The following NUDT3 variants were observed in gnomAD, a reference collection of about 807,000 sequenced individuals.
NUDT3 encodes nudix hydrolase 3, also known as diphosphoinositol polyphosphate phosphohydrolase 1.
A neutral mutation model predicts 23.6 loss-of-function variants in NUDT3; 9 were observed. That is an observed-to-expected ratio of 0.38 (90% CI 0.23 to 0.66). The LOEUF (loss-of-function observed/expected upper bound fraction) is 0.66. NUDT3 is among the 30% of genes least tolerant of loss of function. The probability of loss-of-function intolerance (pLI) is 0.52; values close to 1 mark genes in which losing one functional copy is unlikely to be tolerated. For missense variants in NUDT3, 172 were observed against 218.5 expected (o/e 0.79, Z 1.34); for synonymous variants, 86 against 82.6 (o/e 1.04, Z -0.22).
intron 1 of NUDT3, among the ~76,000 whole-genome samples, chr6:34,376,873 C>T (rs1053220140): frequency 1.3e-5 from 2 of 152,030 alleles, no homozygotes; most frequent in Admixed American, 6.6e-5. Context: ...CAGCTGACAC[C>T]CCTTATCACT....
Position 34,283,022 on chromosome 6 carries a change from T to C in NUDT3, c.*5731A>G, listed in dbSNP as rs1027825361. ...TCCCCTCCCCAGGTGGACAGTCTTATTTTCTAAGACAAGCTCAAAGCTCAA... is the reference window on the plus strand; with the variant it reads ...TCCCCTCCCCAGGTGGACAGTCTTACTTTCTAAGACAAGCTCAAAGCTCAA... On this transcript the variant is annotated 3_prime_UTR_variant, in exon 5 of 5. Coordinates refer to ENST00000607016, the MANE Select transcript of NUDT3 (RefSeq NM_006703.4). The C allele has an allele frequency of 9.2e-5, 14 of 152,092 alleles. No homozygotes were observed. The highest frequency in any genetic ancestry group is 3.4e-4 in the African/African-American group (14 of 41,420). The allele number at this position is 152,092 out of a possible 1,614,324, so 9.4% of individuals were successfully genotyped here.
rs1288078723 is a variant in NUDT3, at chr6:34,279,934, A to C, written c.*8819T>G. ...TGTCCTCCATTGCTGGTACCACATAAGGGATACATTAGTAAAGTAGGGAAA... is the reference window on the plus strand; with the variant it reads ...TGTCCTCCATTGCTGGTACCACATACGGGATACATTAGTAAAGTAGGGAAA... On this transcript the variant is annotated 3_prime_UTR_variant, in exon 5 of 5. Transcript: ENST00000607016. 1 of 152,244 alleles carries C rather than the reference A, an allele frequency of 6.6e-6. No individual in the cohort carries two copies. The highest frequency in any genetic ancestry group is 1.5e-5 in the Non-Finnish European group (1 of 68,080). The allele number at this position is 152,244 out of a possible 1,614,324, so 9.4% of individuals were successfully genotyped here. A position where few individuals can be genotyped will look rare whatever the true frequency, so the allele number is the denominator to read the frequency against.
At chr6:34,330,473 C>G (rs1019492391) in intron 2 of NUDT3, among the ~76,000 whole-genome samples, 6 of 152,078 alleles carry the variant, frequency 3.9e-5, no homozygotes, top group Non-Finnish European at 8.8e-5. Flanking sequence ...AAATAAAGTT[C>G]ACTATGGCAT....
chr6:34,284,145 T>G lies in NUDT3; in HGVS notation c.*4608A>C, dbSNP rs1427815094. The G allele has an allele frequency of 6.6e-6, 1 of 152,204 alleles. No individual in the cohort carries two copies. Among genetic ancestry groups the G allele is most frequent in the African/African-American group, 2.4e-5 (1 of 41,456 alleles). 9.4% of individuals were successfully genotyped at this position (152,204 alleles called of 1,614,324 possible). A position where few individuals can be genotyped will look rare whatever the true frequency, so the allele number is the denominator to read the frequency against. ...AGCAGTATGAACTGCCCACCTCAAC[T>G]GGGCAGTCTGACCTCTTCCACAGTC... On this transcript the variant is annotated 3_prime_UTR_variant, in exon 5 of 5. Coordinates refer to ENST00000607016, the MANE Select transcript of NUDT3 (RefSeq NM_006703.4).
chr6:34,343,105 G>A (rs1445763028), intron 1 of NUDT3, among the ~76,000 whole-genome samples: 1 of 152,064 alleles, frequency 6.6e-6, no homozygotes, highest in Non-Finnish European at 1.5e-5. Flanking sequence ...CTAATATATA[G>A]GCCATGGACT....
chr6:34,316,762 C>T (rs891659909), intron 2 of NUDT3, among the ~76,000 whole-genome samples: 1 of 152,138 alleles, frequency 6.6e-6, no homozygotes, highest in African/African-American at 2.4e-5. Flanking sequence ...ACCAGTATTG[C>T]TGGAGCACAG....
At chr6:34,335,250 T>C (rs896545905) in intron 2 of NUDT3, among the ~76,000 whole-genome samples, 4 of 152,150 alleles carry the variant, frequency 2.6e-5, no homozygotes, top group Non-Finnish European at 5.9e-5. Flanking sequence ...CTTGTGATGT[T>C]ATGGAGTTTT....
Position 34,282,741 on chromosome 6 carries a change from ATGC to A in NUDT3, c.*6009_*6011del, listed in dbSNP as rs1763292533. On this transcript the variant is annotated 3_prime_UTR_variant, in exon 5 of 5. Coordinates refer to ENST00000607016, the MANE Select transcript of NUDT3 (RefSeq NM_006703.4). The stretch of plus-strand genomic sequence containing the variant: ...TGGTGATGAACCTGGCAAAACGACA[ATGC>A]TGCTGTTTTTGTATCCTTTAAAGCC... 6.6e-6 allele frequency: 1 copy of A among 152,144 alleles called. No individual in the cohort carries two copies. Among genetic ancestry groups the A allele is most frequent in the Admixed American group, 6.6e-5 (1 of 15,262 alleles). 9.4% of individuals were successfully genotyped at this position (152,144 alleles called of 1,614,324 possible). A position where few individuals can be genotyped will look rare whatever the true frequency, so the allele number is the denominator to read the frequency against.
intron 2 of NUDT3, among the ~76,000 whole-genome samples, chr6:34,302,601 G>C (rs539953611): frequency 6.6e-6 from 1 of 152,170 alleles, no homozygotes; most frequent in South Asian, 2.1e-4. Flanking sequence ...GCATGGTGGC[G>C]TGTGCCTGTA....
intron 2 of NUDT3, among the ~76,000 whole-genome samples, chr6:34,322,453 T>A (rs1763959158): frequency 6.6e-6 from 1 of 152,076 alleles, no homozygotes; most frequent in African/African-American, 2.4e-5. Flanking sequence ...ATGGTCTTGA[T>A]CTCCTGACCT....
At chr6:34,351,198 TAAAAAAAAAAAAAAAAAAAAA>T (rs71000051) in intron 1 of NUDT3, among the ~76,000 whole-genome samples, 4 of 17,894 alleles carry the variant, frequency 2.2e-4, no homozygotes, top group African/African-American at 5.4e-4. Flanking sequence ...CTCCCCTGCC[TAAAAAAAAAAAAAAAAAAAAA>T]AAAAAAACAC....
In NUDT3 at chr6:34,392,346, G is replaced by A. The variant is rs776066611; in HGVS notation, c.17C>T (p.Ser6Leu). 165 of 1,604,100 alleles carry A rather than the reference G, an allele frequency of 1.0e-4. No individual in the cohort carries two copies. Among genetic ancestry groups the A allele is most frequent in the Non-Finnish European group, 1.3e-4 (153 of 1,176,778 alleles). ...GCCGTCGTAGGTGCGGGTCTGGTTC[G>A]ACTTGAGCTTCATCATCCTCCGGGC... MMKLK[S>L]NQTRTYDGDG... The change falls in exon 1 of 5, where the codon TCG becomes TTG. Residue 6 changes from serine (S) to leucine (L), a missense_variant. Ser to Leu is a moderately radical substitution (Grantham distance 145, BLOSUM62 -2). This residue lies in a region of NUDT3 where 50 missense variants were observed against 46.2 expected (regional missense o/e 1.08). Coordinates refer to ENST00000607016, the MANE Select transcript of NUDT3 (RefSeq NM_006703.4).
At chr6:34,382,317 C>T (rs1416906345) in intron 1 of NUDT3, among the ~76,000 whole-genome samples, 1 of 151,992 alleles carries the variant, frequency 6.6e-6, no homozygotes. Flanking sequence ...GTGAGAGCAT[C>T]ACTTGCGCCC....
At chr6:34,346,994 C>T (rs1414357051) in intron 1 of NUDT3, among the ~76,000 whole-genome samples, 1 of 152,174 alleles carries the variant, frequency 6.6e-6, no homozygotes, top group African/African-American at 2.4e-5. Context: ...GTCTTGAACT[C>T]CTGACCTCAA....
intron 2 of NUDT3, among the ~76,000 whole-genome samples, chr6:34,316,643 T>A (rs1763866139): frequency 6.6e-6 from 1 of 152,102 alleles, no homozygotes; most frequent in Non-Finnish European, 1.5e-5. Context: ...CTCCTCCAGG[T>A]TTAATGTAAG....
chr6:34,322,451 G>A (rs1018098650), intron 2 of NUDT3, among the ~76,000 whole-genome samples: 5 of 137,476 alleles, frequency 3.6e-5, no homozygotes, highest in East Asian at 1.9e-4. Flanking sequence ...GGATGGTCTT[G>A]ATCTCCTGAC....
chr6:34,343,913 G>C (rs1764325887), intron 1 of NUDT3, among the ~76,000 whole-genome samples: 1 of 152,112 alleles, frequency 6.6e-6, no homozygotes, highest in South Asian at 2.1e-4. Flanking sequence ...CATACAAATG[G>C]CTAATAAGCA....
At position 34,283,535 on chromosome 6, in the gene NUDT3, G is replaced by A. The variant is rs1388941504; in HGVS notation, c.*5218C>T. 6.6e-6 allele frequency: 1 copy of A among 152,150 alleles called. No homozygotes were observed. The highest frequency in any genetic ancestry group is 1.5e-5 in the Non-Finnish European group (1 of 68,034). 9.4% of individuals were successfully genotyped at this position (152,150 alleles called of 1,614,324 possible). A position where few individuals can be genotyped will look rare whatever the true frequency, so the allele number is the denominator to read the frequency against. On this transcript the variant is annotated 3_prime_UTR_variant, in exon 5 of 5. Coordinates refer to ENST00000607016, the MANE Select transcript of NUDT3 (RefSeq NM_006703.4). ...TATTAATTTATAAGGGGACTAGAAG[G>A]ACAAACTATTTGATTAATTTGAAGG...
intron 1 of NUDT3, among the ~76,000 whole-genome samples, chr6:34,375,870 C>T (rs943986617): frequency 3.9e-5 from 6 of 152,190 alleles, no homozygotes; most frequent in Admixed American, 6.5e-5. Flanking sequence ...TAGGTGTGAT[C>T]TATCACCTAT....
Sources: gnomAD v4.1 joint callset for allele counts (sites outside exome capture counted in the v4.1 genomes callset) on GRCh38, gnomAD v4.1.1 for gene constraint, gnomAD v4.1.1 regional missense constraint, MANE v1.5 for transcripts, NCBI Gene and HGNC (gene_info 2026-07-23, HGNC 2026-07-21) for gene names.